The following PRELID2 variants were observed in gnomAD, a reference collection of about 807,000 sequenced individuals.
The protein encoded by PRELID2 is PRELI domain-containing protein 2.
A neutral mutation model predicts 28.4 loss-of-function variants in PRELID2; 25 were observed. The observed-to-expected ratio is 0.88, with a 90% CI of 0.64 to 1.23. PRELID2 has a LOEUF of 1.23. Among genes scored for constraint, PRELID2 ranks in the 50% most tolerant of loss-of-function variants. The pLI, the probability that PRELID2 is intolerant of heterozygous loss-of-function variation, is 0.00. For synonymous variants in PRELID2, 76 were observed against 71.6 expected (o/e 1.06, Z -0.31); for missense variants, 201 against 214.4 (o/e 0.94, Z 0.39).
chr5:145,267,942 T>G, the PRELID2 span, among the ~76,000 whole-genome samples: 1 of 152,200 alleles, frequency 6.6e-6, no homozygotes, highest in Admixed American at 6.6e-5. Context: ...GTTTACCATT[T>G]GTATGTCTTT....
At chr5:145,296,031 T>G in the PRELID2 span, among the ~76,000 whole-genome samples, 1 of 151,942 alleles carries the variant, frequency 6.6e-6, no homozygotes, top group Non-Finnish European at 1.5e-5. Context: ...GAAGTGAGAT[T>G]AATTGATTAA....
the PRELID2 span, among the ~76,000 whole-genome samples, chr5:145,267,754 G>T: frequency 2.6e-5 from 4 of 152,116 alleles, no homozygotes; most frequent in Non-Finnish European, 5.9e-5. Flanking sequence ...TAGTGGTCGT[G>T]CTAATGTACA....
intron 1 of PRELID2, among the ~76,000 whole-genome samples, chr5:145,614,711 G>T (rs371361864): frequency 9.2e-5 from 14 of 152,074 alleles, no homozygotes; most frequent in Non-Finnish European, 1.3e-4. Flanking sequence ...TTATTTATAC[G>T]TTCTAGAAGC....
the PRELID2 span, among the ~76,000 whole-genome samples, chr5:145,401,392 C>T: frequency 6.6e-6 from 1 of 151,982 alleles, no homozygotes; most frequent in Non-Finnish European, 1.5e-5. Context: ...ACTTCCTCTG[C>T]AGTATTTTCA....
the PRELID2 span, among the ~76,000 whole-genome samples, chr5:145,422,348 T>C: frequency 6.6e-6 from 1 of 152,072 alleles, no homozygotes; most frequent in African/African-American, 2.4e-5. Flanking sequence ...AAGTCTCCCA[T>C]TATTAATGTG....
At chr5:145,280,263 T>C in the PRELID2 span, among the ~76,000 whole-genome samples, 1 of 152,126 alleles carries the variant, frequency 6.6e-6, no homozygotes, top group Non-Finnish European at 1.5e-5. Context: ...TACAGAAACA[T>C]TCTGCAGTTT....
chr5:145,561,623 T>A (rs1161188020), intron 1 of PRELID2, among the ~76,000 whole-genome samples: 4 of 152,172 alleles, frequency 2.6e-5, no homozygotes, highest in Admixed American at 6.5e-5. Context: ...ATTTTTTAGA[T>A]GAAAAGAAAG....
the PRELID2 span, among the ~76,000 whole-genome samples, chr5:145,433,923 C>T: frequency 6.6e-6 from 1 of 152,162 alleles, no homozygotes; most frequent in South Asian, 2.1e-4. Flanking sequence ...AAAATAAATG[C>T]CACAGTTTTG....
At chr5:145,243,800 C>G in the PRELID2 span, among the ~76,000 whole-genome samples, 1 of 152,038 alleles carries the variant, frequency 6.6e-6, no homozygotes, top group Admixed American at 6.6e-5. Flanking sequence ...TTATTATCAG[C>G]ATTATTATTT....
At chr5:145,388,691 G>C in the PRELID2 span, among the ~76,000 whole-genome samples, 1 of 151,978 alleles carries the variant, frequency 6.6e-6, no homozygotes, top group Admixed American at 6.6e-5. Context: ...CCATCTCAGG[G>C]ATTGGTCCTT....
intron 1 of PRELID2, among the ~76,000 whole-genome samples, chr5:145,732,998 G>C (rs2149728187): frequency 6.6e-6 from 1 of 150,594 alleles, no homozygotes; most frequent in South Asian, 2.1e-4. Flanking sequence ...GTCAGTCTTA[G>C]CTTTCATCAA....
At chr5:145,706,471 G>A (rs549489334) in intron 1 of PRELID2, among the ~76,000 whole-genome samples, 19 of 152,230 alleles carry the variant, frequency 1.2e-4, no homozygotes, top group African/African-American at 3.1e-4. Flanking sequence ...TCAAGGGAGC[G>A]CCCACTCAAA....
chr5:145,823,637 G>GT (rs1754979014), intron 1 of PRELID2, among the ~76,000 whole-genome samples: 1 of 152,140 alleles, frequency 6.6e-6, no homozygotes, highest in African/African-American at 2.4e-5. Flanking sequence ...AACCAGGCCT[G>GT]TTTAATACAG....
the PRELID2 span, among the ~76,000 whole-genome samples, chr5:145,346,869 C>G: frequency 6.6e-6 from 1 of 152,046 alleles, no homozygotes; most frequent in Non-Finnish European, 1.5e-5. Context: ...CATTTTAGGC[C>G]TAAGAGAGAT....
At chr5:145,306,696 AATAAT>A in the PRELID2 span, among the ~76,000 whole-genome samples, 3 of 152,046 alleles carry the variant, frequency 2.0e-5, no homozygotes, top group South Asian at 2.1e-4. Context: ...TCTTGATTAT[AATAAT>A]ATAACTAGTG....
At chr5:145,450,930 A>G in the PRELID2 span, 1 of 152,142 alleles carries the variant, frequency 6.6e-6, no homozygotes, top group Non-Finnish European at 1.5e-5. Context: ...ATCTCATTTA[A>G]CCCTCAAGAT....
At chr5:145,372,915 TG>T in the PRELID2 span, among the ~76,000 whole-genome samples, 3 of 62,110 alleles carry the variant, frequency 4.8e-5, no homozygotes, top group South Asian at 7.4e-4. Context: ...ATAATATATA[TG>T]ATATTATATA....
chr5:145,806,441 C>T (rs1753515907), intron 4 of PRELID2, among the ~76,000 whole-genome samples: 1 of 152,184 alleles, frequency 6.6e-6, no homozygotes, highest in Non-Finnish European at 1.5e-5. Context: ...TCTTCAGGGG[C>T]AATAACACAC....
intron 1 of PRELID2, among the ~76,000 whole-genome samples, chr5:145,529,334 T>C (rs1462892268): frequency 6.6e-6 from 1 of 152,156 alleles, no homozygotes; most frequent in Non-Finnish European, 1.5e-5. Context: ...TGAGAACACA[T>C]GAGCAAACAC....
Sources: gnomAD v4.1 joint callset for allele counts (sites outside exome capture counted in the v4.1 genomes callset) on GRCh38, gnomAD v4.1.1 for gene constraint, MANE v1.5 for transcripts, NCBI Gene and HGNC (gene_info 2026-07-23, HGNC 2026-07-21) for gene names.